RGS17: variants seen among roughly 807,000 people sequenced by gnomAD.
RGS17 encodes regulator of G-protein signaling 17.
RGS17 carries 12 observed loss-of-function variants against 25.5 expected under a neutral mutation model. The ratio of observed to expected loss-of-function variants is 0.47; its 90% CI spans 0.30 to 0.76. RGS17 has a LOEUF of 0.76. Ranked by LOEUF, RGS17 falls within the 30% of genes least tolerant of loss-of-function variation. RGS17 has a pLI of 0.07. For missense variants in RGS17, 196 were observed against 242.2 expected (o/e 0.81, Z 1.27); for synonymous variants, 71 against 76.9 (o/e 0.92, Z 0.40).
chr6:153,116,364 C>T (rs76532655), intron 1 of RGS17, among the ~76,000 whole-genome samples: 28,562 of 152,036 alleles, frequency 0.19, 2,848 homozygotes, highest in Middle Eastern at 0.27. Flanking sequence ...AAATCAAAAC[C>T]ACAAGGAGAT....
At chr6:153,092,143 G>A (rs1003971954) in intron 1 of RGS17, among the ~76,000 whole-genome samples, 4 of 152,014 alleles carry the variant, frequency 2.6e-5, no homozygotes, top group Non-Finnish European at 5.9e-5. Context: ...TTGAATTTTT[G>A]TCTTTTAAAA....
rs1584136947 is a variant in RGS17 at position 153,055,221 on chromosome 6, G to A, written c.-25-11178C>T. The stretch of plus-strand genomic sequence containing the variant: ...GTGCACCACTGCAAACTGGTGCTGA[G>A]GGGATTGGTGTGGGTTTATCAGTAA... On this transcript the variant is annotated intron_variant, in intron 1 of 4. Coordinates refer to ENST00000206262, the MANE Select transcript of RGS17 (RefSeq NM_012419.5). Among the ~76,000 whole-genome samples the A allele has an allele frequency of 2.0e-5, 3 of 152,150 alleles. No individual in the cohort carries two copies. The South Asian group carries it at 6.2e-4, about 31-fold the overall frequency.
chr6:153,033,932 T>C (rs567442416), intron 2 of RGS17, among the ~76,000 whole-genome samples: 1 of 152,212 alleles, frequency 6.6e-6, no homozygotes, highest in African/African-American at 2.4e-5. Flanking sequence ...GACTTCTATT[T>C]AGTTAGGAGC....
intron 1 of RGS17, among the ~76,000 whole-genome samples, chr6:153,077,867 A>G (rs563852954): frequency 7.3e-6 from 1 of 137,196 alleles, no homozygotes; most frequent in East Asian, 2.1e-4. Context: ...AATGACTTAC[A>G]GTATCTTTTT....
intron 1 of RGS17, among the ~76,000 whole-genome samples, chr6:153,129,950 CAG>C (rs1483170347): frequency 6.6e-6 from 1 of 152,124 alleles, no homozygotes; most frequent in South Asian, 2.1e-4. Context: ...GTCCCGTACG[CAG>C]GGCGGGCGCG....
chr6:153,110,425 TACACACAC>T (rs149969105), intron 1 of RGS17, among the ~76,000 whole-genome samples: 7 of 144,928 alleles, frequency 4.8e-5, no homozygotes, highest in South Asian at 4.5e-4. Context: ...ACTGCCAACA[TACACACAC>T]ACACACACAC....
rs1471048986 is a variant in RGS17, at chr6:153,004,909, A to G, written c.*6665T>C. The G allele has an allele frequency of 6.6e-6, 1 of 152,212 alleles. No homozygotes were observed. Among genetic ancestry groups the G allele is most frequent in the South Asian group, 2.1e-4 (1 of 4,830 alleles). The allele number at this position is 152,212 out of a possible 1,614,324, so 9.4% of individuals were successfully genotyped here. A position where few individuals can be genotyped will look rare whatever the true frequency, so the allele number is the denominator to read the frequency against. On this transcript the variant is annotated 3_prime_UTR_variant, in exon 5 of 5. Coordinates refer to ENST00000206262, the MANE Select transcript of RGS17 (RefSeq NM_012419.5). The stretch of plus-strand genomic sequence containing the variant: ...GTCCACTGATAAATATTGGTGGAGT[A>G]CAATATATGGATATAGATTAAGTGT...
intron 1 of RGS17, among the ~76,000 whole-genome samples, chr6:153,093,105 ATTCTT>A (rs1777155996): frequency 1.3e-5 from 2 of 152,226 alleles, no homozygotes; most frequent in Non-Finnish European, 2.9e-5. Context: ...TACTTGAAAC[ATTCTT>A]TTATTTTTTA....
intron 4 of RGS17, among the ~76,000 whole-genome samples, chr6:153,012,221 A>C (rs1299380267): frequency 6.6e-6 from 1 of 152,228 alleles, no homozygotes; most frequent in Non-Finnish European, 1.5e-5. Context: ...AACTCCCCAC[A>C]GTTTTGTATC....
rs41292882 is a variant in RGS17 at position 153,043,977 on chromosome 6, G to A, written c.42C>T (p.Ala14=). The part of the protein sequence containing the change: ...RQQSQNEGTP[A]VSQAPGNQRP... ...TCTGGTTTCCAGGAGCTTGAGACAC[G>A]GCAGGTGTTCCTTCATTTTGGGACT... Residue 14 remains alanine (A), a synonymous_variant, in exon 2 of 5, where the codon GCC becomes GCT. Coordinates refer to ENST00000206262, the MANE Select transcript of RGS17 (RefSeq NM_012419.5). 0.043 allele frequency: 70,101 copies of A among 1,612,404 alleles called. 1,720 individuals are homozygous for A. Among genetic ancestry groups the A allele is most frequent in the Non-Finnish European group, 0.05 (58,509 of 1,179,060 alleles).
At chr6:153,109,187 A>C (rs957840040) in intron 1 of RGS17, among the ~76,000 whole-genome samples, 5 of 151,590 alleles carry the variant, frequency 3.3e-5, no homozygotes, top group Admixed American at 2.0e-4. Context: ...TTTCATTTTT[A>C]TTATTTCAAC....
intron 1 of RGS17, among the ~76,000 whole-genome samples, chr6:153,113,831 C>A (rs1310811585): frequency 1.3e-5 from 2 of 151,950 alleles, no homozygotes; most frequent in Non-Finnish European, 2.9e-5. Context: ...GAAAGACTAC[C>A]GCGTAAATAA....
intron 1 of RGS17, among the ~76,000 whole-genome samples, chr6:153,085,137 C>G (rs1777036071): frequency 6.6e-6 from 1 of 152,072 alleles, no homozygotes; most frequent in South Asian, 2.1e-4. Context: ...GTTTGTTTTA[C>G]TTATTATAAT....
At chr6:153,019,858 T>C (rs1779221849) in intron 4 of RGS17, among the ~76,000 whole-genome samples, 1 of 151,986 alleles carries the variant, frequency 6.6e-6, no homozygotes, top group Non-Finnish European at 1.5e-5. Flanking sequence ...GCCTAACACA[T>C]CTTTTCAATA....
chr6:153,095,116 T>TG (rs1327313427), intron 1 of RGS17, among the ~76,000 whole-genome samples: 2 of 152,146 alleles, frequency 1.3e-5, no homozygotes, highest in African/African-American at 2.4e-5. Context: ...GAAAATAATT[T>TG]GGGAAAAATA....
chr6:153,097,290 A>ATT (rs3083488), intron 1 of RGS17, among the ~76,000 whole-genome samples: 1,126 of 88,280 alleles, frequency 0.013, 87 homozygotes, highest in African/African-American at 0.026. Flanking sequence ...CGTTTTTTTG[A>ATT]TTTTTTTTTT....
chr6:153,050,494 C>T (rs1250208875), intron 1 of RGS17, among the ~76,000 whole-genome samples: 1 of 152,068 alleles, frequency 6.6e-6, no homozygotes, highest in East Asian at 1.9e-4. Flanking sequence ...AATAGATGCT[C>T]AGAACTATTA....
chr6:153,100,081 CTT>C (rs1468310650), intron 1 of RGS17, among the ~76,000 whole-genome samples: 1 of 152,222 alleles, frequency 6.6e-6, no homozygotes, highest in African/African-American at 2.4e-5. Context: ...TTAAAGAAGA[CTT>C]AATAAATAAA....
Position 153,007,367 on chromosome 6 carries a change from A to G in RGS17, c.*4207T>C, listed in dbSNP as rs1415692818. 3.3e-5 allele frequency: 5 copies of G among 152,174 alleles called. No individual in the cohort carries two copies. Among genetic ancestry groups the G allele is most frequent in the Admixed American group, 2.6e-4 (4 of 15,276 alleles). The allele number at this position is 152,174 out of a possible 1,614,324, so 9.4% of individuals were successfully genotyped here. A position where few individuals can be genotyped will look rare whatever the true frequency, so the allele number is the denominator to read the frequency against. ...AGGAGAACAAACCCATTGGTCAGAA[A>G]TTTGAAGATGGAAAACACAAAAATA... On this transcript the variant is annotated 3_prime_UTR_variant, in exon 5 of 5. Transcript: ENST00000206262.
Sources: gnomAD v4.1 joint callset for allele counts (sites outside exome capture counted in the v4.1 genomes callset) on GRCh38, gnomAD v4.1.1 for gene constraint, MANE v1.5 for transcripts, NCBI Gene and HGNC (gene_info 2026-07-23, HGNC 2026-07-21) for gene names.